Variants in CCDC81 observed in about 807,000 individuals in gnomAD.
CCDC81 encodes the protein coiled-coil domain containing 81.
A neutral mutation model predicts 83.7 loss-of-function variants in CCDC81; 79 were observed. That is an observed-to-expected ratio of 0.94 (90% CI 0.79 to 1.14). The LOEUF (loss-of-function observed/expected upper bound fraction) is 1.14. Ranked by LOEUF, CCDC81 falls within the 50% of genes most tolerant of loss-of-function variation. The pLI is 0.00. For missense variants in CCDC81, 791 were observed against 778.1 expected, an observed-to-expected ratio of 1.02 and a Z score of -0.20; for synonymous variants, 252 against 278.1, an observed-to-expected ratio of 0.91 and a Z score of 0.93.
intron 10 of CCDC81, 36 bp from the exon 11 acceptor site, chr11:86,412,351 C>T: frequency 2.0e-6 from 3 of 1,485,162 alleles, no homozygotes; most frequent in South Asian, 1.3e-5. Flanking sequence ...TTTTTCAGTA[C>T]TCTAGCATAA....
At chr11:86,422,143 A>T (rs1370089366) in intron 14 of CCDC81, among the ~76,000 whole-genome samples, 1 of 151,920 alleles carries the variant, frequency 6.6e-6, no homozygotes, top group African/African-American at 2.4e-5. Flanking sequence ...AGTCCTCTCA[A>T]CTCTCTGCTG....
At chr11:86,411,062 C>T (rs12269969) in intron 10 of CCDC81, among the ~76,000 whole-genome samples, 7,201 of 152,208 alleles carry the variant, frequency 0.047, 270 homozygotes, top group African/African-American at 0.1. Flanking sequence ...ATATTGTTAA[C>T]CAAAACATAC....
chr11:86,419,760 A>G (rs889416873), intron 13 of CCDC81, 168 bp from the exon 14 acceptor site: 17 of 514,816 alleles, frequency 3.3e-5, no homozygotes, highest in African/African-American at 2.0e-5. Flanking sequence ...ATTATTTGAG[A>G]GCTAGGAATT....
chr11:86,403,225 C>CT (rs1948517188), intron 7 of CCDC81, among the ~76,000 whole-genome samples: 1 of 151,586 alleles, frequency 6.6e-6, no homozygotes, highest in Non-Finnish European at 1.5e-5. Flanking sequence ...ATCCTGTGTC[C>CT]TTTTTTAACT....
At position 86,403,013 on chromosome 11, in the gene CCDC81, A is replaced by ATT. The variant is rs545083032; in HGVS notation, c.881+2232_881+2233dup. Among the ~76,000 whole-genome samples the ATT allele has an allele frequency of 4.7e-3, 524 of 112,478 alleles. 14 individuals are homozygous for ATT. The highest frequency in any genetic ancestry group is 7.5e-3 in the South Asian group (25 of 3,328). The allele number at this position is 112,478 out of a possible 152,430, so 73.8% of individuals were successfully genotyped here. A position where few individuals can be genotyped will look rare whatever the true frequency, so the allele number is the denominator to read the frequency against. On this transcript the variant is annotated intron_variant, in intron 7 of 14. Coordinates refer to ENST00000445632, the MANE Select transcript of CCDC81 (RefSeq NM_001156474.2). ...CCACCACACACCAGCTAATTTTTTGATTTTTTTTTTTTTTTTTTTTTGTAG... is the reference window on the plus strand; with the variant it reads ...CCACCACACACCAGCTAATTTTTTGATTTTTTTTTTTTTTTTTTTTTTTGTAG...
intron 1 of CCDC81, among the ~76,000 whole-genome samples, chr11:86,384,628 G>A (rs529380772): frequency 2.0e-5 from 3 of 152,126 alleles, no homozygotes; most frequent in Admixed American, 6.5e-5. Flanking sequence ...TTAGAAAAAA[G>A]ATAAACCAAT....
At chr11:86,379,756 C>A (rs181591211) in intron 1 of CCDC81, among the ~76,000 whole-genome samples, 1 of 152,224 alleles carries the variant, frequency 6.6e-6, no homozygotes, top group East Asian at 1.9e-4. Flanking sequence ...GTGGGAGAAT[C>A]GCTGGAGTCC....
intron 7 of CCDC81, among the ~76,000 whole-genome samples, chr11:86,402,743 T>A (rs1419353788): frequency 6.6e-6 from 1 of 152,228 alleles, no homozygotes; most frequent in Non-Finnish European, 1.5e-5. Context: ...GAGAGTGCTA[T>A]ATTTTCTACA....
intron 1 of CCDC81, among the ~76,000 whole-genome samples, chr11:86,379,450 T>C (rs1948146584): frequency 6.6e-6 from 1 of 152,150 alleles, no homozygotes; most frequent in Admixed American, 6.5e-5. Flanking sequence ...AATATATATT[T>C]ACAGTCAATT....
intron 13 of CCDC81, among the ~76,000 whole-genome samples, chr11:86,417,581 G>A (rs1948738389): frequency 6.6e-6 from 1 of 151,860 alleles, no homozygotes; most frequent in African/African-American, 2.4e-5. Context: ...TAATATAGAT[G>A]TATAATAATT....
intron 7 of CCDC81, among the ~76,000 whole-genome samples, chr11:86,404,071 T>TA (rs1206818161): frequency 2.6e-5 from 4 of 151,916 alleles, no homozygotes; most frequent in Non-Finnish European, 5.9e-5. Context: ...GTTAGAGGAT[T>TA]AAAAAAAATA....
intron 3 of CCDC81, among the ~76,000 whole-genome samples, 177 bp downstream of exon 3, chr11:86,387,849 G>A (rs1948266630): frequency 6.6e-6 from 1 of 152,180 alleles, no homozygotes; most frequent in African/African-American, 2.4e-5. Context: ...GAGTCTTCCT[G>A]AAGGCCATTT....
intron 6 of CCDC81, 108 bp downstream of exon 6, chr11:86,397,850 T>C: frequency 7.7e-7 from 1 of 1,292,252 alleles, no homozygotes; most frequent in Non-Finnish European, 1.0e-6. Flanking sequence ...AATCACTATA[T>C]TATTATTACT....
chr11:86,414,947 ATATTTT>A, intron 12 of CCDC81, 80 bp downstream of exon 12: 1 of 1,420,790 alleles, frequency 7.0e-7, no homozygotes, highest in Non-Finnish European at 9.7e-7. Context: ...GTTGTTACGA[ATATTTT>A]TATGTGTTAT....
At position 86,414,750 on chromosome 11, in the gene CCDC81, C is replaced by CA. The variant is rs753083069; in HGVS notation, c.1392-35dup. On this transcript the variant is annotated intron_variant, in intron 11 of 14. Coordinates refer to ENST00000445632, the MANE Select transcript of CCDC81 (RefSeq NM_001156474.2). ...TGTTAATCCATATTACTAAAGACTGCAAAACTGTGGTCCATCTTCTCTTGT... is the reference window on the plus strand; with the variant it reads ...TGTTAATCCATATTACTAAAGACTGCAAAAACTGTGGTCCATCTTCTCTTGT... The CA allele has an allele frequency of 3.5e-6, 5 of 1,411,722 alleles. No homozygotes were observed. In the African/African-American group the frequency reaches 7.2e-5, roughly 20 times the overall value. 87.4% of individuals were successfully genotyped at this position (1,411,722 alleles called of 1,614,324 possible).
chr11:86,376,312 G>T (rs1443775748), intron 1 of CCDC81, among the ~76,000 whole-genome samples: 2 of 152,016 alleles, frequency 1.3e-5, no homozygotes, highest in South Asian at 2.1e-4. Flanking sequence ...TAAGAAGGAG[G>T]GACAATATAT....
chr11:86,400,648 A>T, intron 6 of CCDC81, 30 bp from the exon 7 acceptor site: 2 of 1,568,002 alleles, frequency 1.3e-6, no homozygotes, highest in Non-Finnish European at 1.7e-6. Flanking sequence ...TTGAAAGGAG[A>T]CTCGTTTTCA....
chr11:86,396,691 G>A (rs1318227144), intron 5 of CCDC81, among the ~76,000 whole-genome samples: 1 of 152,132 alleles, frequency 6.6e-6, no homozygotes, highest in Non-Finnish European at 1.5e-5. Flanking sequence ...CACACGAAAT[G>A]GCCATGCAAC....
chr11:86,409,538 G>C (rs1039245600), intron 10 of CCDC81, among the ~76,000 whole-genome samples, 173 bp downstream of exon 10: 1 of 152,104 alleles, frequency 6.6e-6, no homozygotes. Flanking sequence ...CTGCAACTCT[G>C]CCTCCCGGGT....
Sources: allele counts gnomAD v4.1 joint callset (sites outside exome capture counted in the v4.1 genomes callset), GRCh38; gene constraint gnomAD v4.1.1; transcripts MANE v1.5; gene names NCBI Gene and HGNC (gene_info 2026-07-23, HGNC 2026-07-21).